Variants in LRRTM4 observed in about 807,000 individuals in gnomAD.
LRRTM4 encodes leucine-rich repeat transmembrane neuronal protein 4.
LRRTM4 carries 25 observed loss-of-function variants against 47.6 expected under a neutral mutation model. That is an observed-to-expected ratio of 0.53 (90% CI 0.38 to 0.73). The LOEUF is 0.73. LRRTM4 is among the 30% of genes least tolerant of loss of function. LRRTM4 has a pLI of 0.00. For missense variants in LRRTM4, 638 were observed against 713.4 expected (o/e 0.89, Z 1.20); for synonymous variants, 311 against 269.5 (o/e 1.15, Z -1.51).
intron 3 of LRRTM4, among the ~76,000 whole-genome samples, chr2:76,888,920 A>G (rs1673164709): frequency 6.6e-6 from 1 of 151,900 alleles, no homozygotes; most frequent in South Asian, 2.1e-4. Flanking sequence ...TATTCAATTA[A>G]GACATGTTAT....
rs147962490 is a variant in LRRTM4 at position 77,045,472 on chromosome 2, T to G, written c.1552-296556A>C. Among the ~76,000 whole-genome samples, 1,008 of 152,042 alleles carry G rather than the reference T, an allele frequency of 6.6e-3. 12 individuals are homozygous for G. The highest frequency in any genetic ancestry group is 0.023 in the African/African-American group (972 of 41,516). On this transcript the variant is annotated intron_variant, in intron 3 of 3. Transcript: ENST00000409884. ...ATTTTATGCCTAAAACAAAATTGGC[T>G]TTAATTCGGTTAGGCTGTGTCCCCA...
intron 3 of LRRTM4, among the ~76,000 whole-genome samples, chr2:77,429,628 C>T (rs1345445640): frequency 6.6e-6 from 1 of 151,982 alleles, no homozygotes; most frequent in Non-Finnish European, 1.5e-5. Flanking sequence ...CATAGTTTCA[C>T]TTTATGTGTA....
intron 3 of LRRTM4, among the ~76,000 whole-genome samples, chr2:77,034,966 A>G (rs1678784535): frequency 6.6e-6 from 1 of 151,906 alleles, no homozygotes; most frequent in African/African-American, 2.4e-5. Context: ...ATTATTTACT[A>G]GTTCTCAAGA....
intron 3 of LRRTM4, among the ~76,000 whole-genome samples, chr2:76,838,791 C>G (rs1335573918): frequency 6.6e-6 from 1 of 152,032 alleles, no homozygotes; most frequent in Non-Finnish European, 1.5e-5. Flanking sequence ...TTAATAACAG[C>G]TCATGGATGG....
intron 3 of LRRTM4, among the ~76,000 whole-genome samples, chr2:77,012,977 A>C (rs374247140): frequency 1.3e-5 from 2 of 152,338 alleles, no homozygotes; most frequent in African/African-American, 4.8e-5. Flanking sequence ...GATGTTCAAG[A>C]GGTATAATTT....
At chr2:76,854,200 A>T (rs1037612047) in intron 3 of LRRTM4, among the ~76,000 whole-genome samples, 2 of 152,100 alleles carry the variant, frequency 1.3e-5, no homozygotes, top group African/African-American at 4.8e-5. Flanking sequence ...CACTGTTAGA[A>T]ATTTACTTTT....
chr2:77,091,282 A>C (rs1162384784), intron 3 of LRRTM4, among the ~76,000 whole-genome samples: 3 of 146,858 alleles, frequency 2.0e-5, no homozygotes, highest in South Asian at 2.2e-4. Flanking sequence ...AGATACCTCT[A>C]CTCCCTCCTT....
rs572229986 is a variant in LRRTM4 at position 77,297,802 on chromosome 2, A to G, written c.1551+220516T>C. On this transcript the variant is annotated intron_variant, in intron 3 of 3. Coordinates refer to ENST00000409884, the MANE Select transcript of LRRTM4 (RefSeq NM_001134745.3). ...GAAGTTTTCCACTTTATGGGTCTTC[A>G]TGCTCTTAATTCATCAATTTGAGCT... 2.6e-5 allele frequency among the ~76,000 whole-genome samples: 4 copies of G among 152,312 alleles called. No individual in the cohort carries two copies. The South Asian group carries it at 8.3e-4, about 32-fold the overall frequency.
At chr2:77,248,609 C>A (rs969788774) in intron 3 of LRRTM4, among the ~76,000 whole-genome samples, 1 of 151,886 alleles carries the variant, frequency 6.6e-6, no homozygotes, top group African/African-American at 2.4e-5. Context: ...AGGAGAAGAA[C>A]AAATTTGGAG....
intron 3 of LRRTM4, among the ~76,000 whole-genome samples, chr2:77,189,317 T>A (rs574427083): frequency 1.5e-3 from 227 of 152,292 alleles, no homozygotes; most frequent in African/African-American, 5.3e-3. Flanking sequence ...ATTGATTGCA[T>A]CCTCAGCAGT....
chr2:77,351,338 G>A (rs1671763712), intron 3 of LRRTM4, among the ~76,000 whole-genome samples: 1 of 151,312 alleles, frequency 6.6e-6, no homozygotes, highest in Admixed American at 6.6e-5. Context: ...CCCAACTTAA[G>A]TGTTGTATTT....
chr2:77,307,084 T>G (rs960379955), intron 3 of LRRTM4, among the ~76,000 whole-genome samples: 1 of 151,598 alleles, frequency 6.6e-6, no homozygotes, highest in African/African-American at 2.4e-5. Context: ...TATTGTTTAG[T>G]AGAGACGGGG....
intron 3 of LRRTM4, chr2:77,517,298 T>C: frequency 1.0e-6 from 1 of 983,528 alleles, no homozygotes; most frequent in African/African-American, 1.7e-5. Flanking sequence ...AAGGTACACC[T>C]TTATTTGAGG....
At chr2:76,968,375 T>C (rs937492264) in intron 3 of LRRTM4, among the ~76,000 whole-genome samples, 7 of 129,408 alleles carry the variant, frequency 5.4e-5, no homozygotes, top group African/African-American at 1.7e-4. Flanking sequence ...TATATATATA[T>C]ATATATATAC....
At chr2:76,999,331 T>C (rs943962943) in intron 3 of LRRTM4, among the ~76,000 whole-genome samples, 7 of 151,972 alleles carry the variant, frequency 4.6e-5, no homozygotes, top group African/African-American at 1.5e-4. Flanking sequence ...AATCTCAAGA[T>C]GTACTTGAGC....
chr2:77,044,341 T>C (rs1449433959), intron 3 of LRRTM4, among the ~76,000 whole-genome samples: 1 of 151,746 alleles, frequency 6.6e-6, no homozygotes, highest in Non-Finnish European at 1.5e-5. Flanking sequence ...GTACTTGGAA[T>C]GTTTCTTCAA....
chr2:76,853,410 C>T (rs1317372229), intron 3 of LRRTM4, among the ~76,000 whole-genome samples: 1 of 152,114 alleles, frequency 6.6e-6, no homozygotes, highest in East Asian at 1.9e-4. Flanking sequence ...TTGTTGAGAG[C>T]ACCTGCCACC....
chr2:76,977,891 G>C (rs1437380558), intron 3 of LRRTM4, among the ~76,000 whole-genome samples: 2 of 152,000 alleles, frequency 1.3e-5, no homozygotes, highest in Admixed American at 1.3e-4. Context: ...GGTGAAAACA[G>C]TGGGATGTCC....
At chr2:77,416,923 A>G (rs1056084730) in intron 3 of LRRTM4, among the ~76,000 whole-genome samples, 2 of 152,000 alleles carry the variant, frequency 1.3e-5, no homozygotes. Context: ...AGCTTCTGCA[A>G]AGCAAAAGAA....
Sources: gnomAD v4.1 joint callset for allele counts (sites outside exome capture counted in the v4.1 genomes callset) on GRCh38, gnomAD v4.1.1 for gene constraint, MANE v1.5 for transcripts, NCBI Gene and HGNC (gene_info 2026-07-23, HGNC 2026-07-21) for gene names.